The following ARID4A variants were observed in gnomAD, a reference collection of about 807,000 sequenced individuals.
The protein encoded by ARID4A is AT-rich interaction domain 4A, also known as AT-rich interactive domain-containing protein 4A.
A neutral mutation model predicts 148.6 loss-of-function variants in ARID4A; 39 were observed. The observed-to-expected ratio is 0.26, with a 90% CI of 0.20 to 0.34. The LOEUF is 0.34. Among genes scored for constraint, ARID4A ranks in the 10% least tolerant of loss-of-function variants. ARID4A has a pLI of 1.00. For synonymous variants in ARID4A, 475 were observed against 481.2 expected (o/e 0.99, Z 0.17); for missense variants, 1,265 against 1,449.1 (o/e 0.87, Z 2.06).
At chr14:58,335,649 G>A (rs937179922) in intron 11 of ARID4A, among the ~76,000 whole-genome samples, 4 of 152,122 alleles carry the variant, frequency 2.6e-5, no homozygotes, top group African/African-American at 9.7e-5. Flanking sequence ...CTCAGACTCA[G>A]TATGTGCAAG....
intron 17 of ARID4A, among the ~76,000 whole-genome samples, chr14:58,357,203 T>C (rs1343704214): frequency 2.6e-5 from 4 of 152,222 alleles, no homozygotes; most frequent in Non-Finnish European, 5.9e-5. Context: ...TAGGCTAATA[T>C]GAGTGTTCTG....
chr14:58,302,392 G>A (rs112765405), intron 3 of ARID4A, among the ~76,000 whole-genome samples: 5,458 of 152,238 alleles, frequency 0.036, 322 homozygotes, highest in African/African-American at 0.12. Context: ...TGCTCAGGAG[G>A]CTGAGGCAGG....
rs76872204 is a variant in ARID4A, at chr14:58,359,042, C to T, written c.1854-90C>T. 8,308 of 1,334,994 alleles carry T rather than the reference C, an allele frequency of 6.2e-3. 33 individuals are homozygous for T. The highest frequency in any genetic ancestry group is 7.2e-3 in the Non-Finnish European group (7,102 of 983,676). The allele number at this position is 1,334,994 out of a possible 1,614,324, so 82.7% of individuals were successfully genotyped here. A position where few individuals can be genotyped will look rare whatever the true frequency, so the allele number is the denominator to read the frequency against. On this transcript the variant is annotated intron_variant, in intron 17 of 23. Transcript: ENST00000355431. Reference sequence around the variant, plus strand: ...TAAGAACAAACTATTTAATCTGTCTCACTGTTGTTTTCGTTTGGTGAATAC... The same window carrying T: ...TAAGAACAAACTATTTAATCTGTCTTACTGTTGTTTTCGTTTGGTGAATAC...
At position 58,351,174 on chromosome 14, in the gene ARID4A, T is replaced by C. The variant is rs372021421; in HGVS notation, c.1506T>C (p.Asp502=). The C allele has an allele frequency of 1.2e-5, 20 of 1,612,154 alleles. No individual in the cohort carries two copies. The highest frequency in any genetic ancestry group is 1.7e-4 in the Middle Eastern group (1 of 6,048). The change falls in exon 16 of 24, where the codon GAT becomes GAC. Residue 502 remains aspartate, a synonymous_variant. Coordinates refer to ENST00000355431, the MANE Select transcript of ARID4A (RefSeq NM_002892.4). ...AAGATAATGATACAGAAAATAAGGA[T>C]GTAGATGATGACTATGAAACTGCAG... ...KLKDNDTENK[D]VDDDYETAEK...
chr14:58,319,037 G>A lies in ARID4A; in HGVS notation c.449+232G>A, dbSNP rs574038134. ...TATTTTTGTTTTAAGTTACTTTGCC[G>A]AAGTTTTTTTTGTTTTGTTTTGTTT... On this transcript the variant is annotated intron_variant, in intron 7 of 23. Transcript: ENST00000355431. 3.3e-5 allele frequency among the ~76,000 whole-genome samples: 5 copies of A among 152,138 alleles called. No individual in the cohort carries two copies. In the South Asian group the frequency reaches 8.3e-4, roughly 25 times the overall value.
At chr14:58,323,173 G>A (rs75225745) in intron 7 of ARID4A, among the ~76,000 whole-genome samples, 1 of 150,954 alleles carries the variant, frequency 6.6e-6, no homozygotes, top group African/African-American at 2.4e-5. Context: ...AAAAAAAAAA[G>A]TATTTGGCAC....
chr14:58,309,549 A>G (rs1446900284), intron 5 of ARID4A, among the ~76,000 whole-genome samples: 5 of 152,220 alleles, frequency 3.3e-5, no homozygotes, highest in African/African-American at 1.2e-4. Flanking sequence ...AAAGGAATTA[A>G]TATGTCCAGT....
intron 11 of ARID4A, among the ~76,000 whole-genome samples, chr14:58,341,595 T>C (rs1458433311): frequency 6.6e-6 from 1 of 152,238 alleles, no homozygotes; most frequent in Non-Finnish European, 1.5e-5. Flanking sequence ...AAATAGAAGG[T>C]ACCATGTGTT....
intron 22 of ARID4A, among the ~76,000 whole-genome samples, chr14:58,366,671 G>A (rs1416395108): frequency 1.3e-5 from 2 of 152,140 alleles, no homozygotes; most frequent in Non-Finnish European, 2.9e-5. Flanking sequence ...AGTAATAAAT[G>A]TTTAGTATAG....
intron 11 of ARID4A, among the ~76,000 whole-genome samples, chr14:58,335,832 G>T (rs920295672): frequency 1.3e-5 from 2 of 152,044 alleles, no homozygotes; most frequent in Admixed American, 1.3e-4. Flanking sequence ...TCTTCTACCT[G>T]CTCGAATAGC....
rs1013509936 is a variant in ARID4A at position 58,353,038 on chromosome 14, A to G, written c.1656-620A>G. Among the ~76,000 whole-genome samples, 3 of 152,140 alleles carry G rather than the reference A, an allele frequency of 2.0e-5. No individual in the cohort carries two copies. The South Asian group carries it at 6.2e-4, about 32-fold the overall frequency. The stretch of plus-strand genomic sequence containing the variant: ...TTTCTTTTCTTTGTTAGGGCTGGGA[A>G]ACCTTTAAAATATAAATTAGTTTAA... On this transcript the variant is annotated intron_variant, in intron 16 of 23. Transcript: ENST00000355431.
chr14:58,357,646 C>CGTTAGT lies in ARID4A; in HGVS notation c.1854-1481_1854-1476dup, dbSNP rs2034944452. Among the ~76,000 whole-genome samples the CGTTAGT allele has an allele frequency of 3.1e-5, 4 of 129,556 alleles. 1 individual carries two copies. Among genetic ancestry groups the CGTTAGT allele is most frequent in the Admixed American group, 8.5e-5 (1 of 11,798 alleles). The allele number at this position is 129,556 out of a possible 152,430, so 85.0% of individuals were successfully genotyped here. A position where few individuals can be genotyped will look rare whatever the true frequency, so the allele number is the denominator to read the frequency against. ...TTTTTTTTTTTAGCTCATCAGCTAT[C>CGTTAGT]GTTAGTGTTATTTTATGTGTGGCCC... On this transcript the variant is annotated intron_variant, in intron 17 of 23. Transcript: ENST00000355431.
chr14:58,357,795 G>A (rs1411077216), intron 17 of ARID4A, among the ~76,000 whole-genome samples: 2 of 152,004 alleles, frequency 1.3e-5, no homozygotes, highest in Admixed American at 1.3e-4. Context: ...ACTTAATTCT[G>A]TAAATACTTG....
chr14:58,371,388 C>G (rs1356843071), intron 23 of ARID4A, among the ~76,000 whole-genome samples: 1 of 152,096 alleles, frequency 6.6e-6, no homozygotes, highest in African/African-American at 2.4e-5. Flanking sequence ...GTTATGTCCT[C>G]CTGGAGAAAA....
chr14:58,340,192 G>A (rs1009830970), intron 11 of ARID4A, among the ~76,000 whole-genome samples: 1 of 152,118 alleles, frequency 6.6e-6, no homozygotes, highest in Non-Finnish European at 1.5e-5. Flanking sequence ...AGCAAGTCAT[G>A]GGCCATAACC....
chr14:58,326,837 C>T (rs2033242375), intron 8 of ARID4A, among the ~76,000 whole-genome samples: 1 of 152,182 alleles, frequency 6.6e-6, no homozygotes, highest in South Asian at 2.1e-4. Flanking sequence ...GTGAAATCTT[C>T]CTCCTTGATG....
At chr14:58,317,378 G>C (rs1007810205) in intron 5 of ARID4A, among the ~76,000 whole-genome samples, 2 of 146,946 alleles carry the variant, frequency 1.4e-5, no homozygotes, top group African/African-American at 5.0e-5. Flanking sequence ...TCCGCCTCCT[G>C]GGTTCACGCC....
chr14:58,318,892 G>C, intron 7 of ARID4A, 87 bp downstream of exon 7: 1 of 1,098,124 alleles, frequency 9.1e-7, no homozygotes, highest in Non-Finnish European at 1.3e-6. Flanking sequence ...AAATTCATTT[G>C]GGTAAGCTTT....
At chr14:58,300,514 A>G (rs2031063089) in intron 2 of ARID4A, among the ~76,000 whole-genome samples, 1 of 152,142 alleles carries the variant, frequency 6.6e-6, no homozygotes, top group Non-Finnish European at 1.5e-5. Flanking sequence ...AAGCATTCCT[A>G]TTCAATTTGT....
Sources: allele counts gnomAD v4.1 joint callset (sites outside exome capture counted in the v4.1 genomes callset), GRCh38; gene constraint gnomAD v4.1.1; transcripts MANE v1.5; gene names NCBI Gene and HGNC (gene_info 2026-07-23, HGNC 2026-07-21).